AFF1: variants seen among roughly 807,000 people sequenced by gnomAD.
AFF1 encodes ALF transcription elongation factor 1, also known as AF4/FMR2 family member 1.
AFF1 carries 48 observed loss-of-function variants against 121.7 expected under a neutral mutation model. The observed-to-expected ratio is 0.39, with a 90% CI of 0.31 to 0.50. The LOEUF (loss-of-function observed/expected upper bound fraction) is 0.50, where lower values mean the gene tolerates loss of function less well. AFF1 is among the 20% of genes least tolerant of loss of function. The pLI, the probability that AFF1 is intolerant of heterozygous loss-of-function variation, is 0.76. For missense variants in AFF1, 1,523 were observed against 1,511.7 expected, an observed-to-expected ratio of 1.01 and a Z score of -0.12; for synonymous variants, 613 against 563.0, an observed-to-expected ratio of 1.09 and a Z score of -1.26.
Position 87,114,960 on chromosome 4 carries a change from T to C in AFF1, c.2127T>C (p.Ala709=). 1 of 1,613,052 alleles carries C rather than the reference T, an allele frequency of 6.2e-7. No individual in the cohort carries two copies. Among genetic ancestry groups the C allele is most frequent in the Non-Finnish European group, 8.5e-7 (1 of 1,179,514 alleles). Residue 709 remains alanine (A), a synonymous_variant, in exon 12 of 21, where the codon GCT becomes GCC. Transcript: ENST00000395146. ...AGGACAGGACCCCTGAGCACTTTGCTCTTGTTCCCCTGACTGAGAGCCAGG... is the reference window on the plus strand; with the variant it reads ...AGGACAGGACCCCTGAGCACTTTGCCCTTGTTCCCCTGACTGAGAGCCAGG... ...NVEDRTPEHF[A]LVPLTESQGP...
chr4:87,002,425 G>GTTTT (rs3035506), intron 2 of AFF1, among the ~76,000 whole-genome samples: 37 of 68,170 alleles, frequency 5.4e-4, no homozygotes, highest in East Asian at 1.8e-3. Flanking sequence ...GGGCAATGAA[G>GTTTT]TTTTTTTTTT....
At position 87,135,706 on chromosome 4, in the gene AFF1, G is replaced by C; in HGVS notation, c.*5G>C. On this transcript the variant is annotated 3_prime_UTR_variant, in exon 21 of 21. Transcript: ENST00000395146. ...GAATTAACCAAAACACCTTAATGGA[G>C]CCCCAGGTTGATTCAATGCCTTGGG... The C allele has an allele frequency of 2.5e-6, 4 of 1,608,532 alleles. No individual in the cohort carries two copies. The highest frequency in any genetic ancestry group is 3.4e-6 in the Non-Finnish European group (4 of 1,177,470).
At chr4:87,079,682 C>T (rs560272548) in intron 4 of AFF1, among the ~76,000 whole-genome samples, 6 of 152,292 alleles carry the variant, frequency 3.9e-5, no homozygotes, top group African/African-American at 1.4e-4. Flanking sequence ...CTTGCATAGA[C>T]AACTTAATTT....
At chr4:87,027,723 G>A (rs190460286) in intron 2 of AFF1, among the ~76,000 whole-genome samples, 1 of 149,510 alleles carries the variant, frequency 6.7e-6, no homozygotes, top group Admixed American at 6.7e-5. Context: ...ATATTAAATA[G>A]TCCTAATTCA....
intron 2 of AFF1, among the ~76,000 whole-genome samples, chr4:87,010,129 A>C (rs1026273716): frequency 2.6e-5 from 4 of 152,184 alleles, no homozygotes; most frequent in African/African-American, 4.8e-5. Context: ...TTGAATTGAG[A>C]GATTACCTAA....
Position 86,948,491 on chromosome 4 carries a change from C to G in AFF1, c.-36-7C>G, listed in dbSNP as rs1161726698. The G allele has an allele frequency of 5.9e-6, 9 of 1,529,252 alleles. No homozygotes were observed. The highest frequency in any genetic ancestry group is 2.0e-5 in the Admixed American group (1 of 50,808). The allele number at this position is 1,529,252 out of a possible 1,614,324, so 94.7% of individuals were successfully genotyped here. ...TGTTCACAGGCTACTCTTTGTTTCT[C>G]TTTCAGATGAACAGACTAGCCACTT... On this transcript the variant is annotated splice_polypyrimidine_tract_variant and splice_region_variant and intron_variant, in intron 1 of 20. Coordinates refer to ENST00000395146, the MANE Select transcript of AFF1 (RefSeq NM_001166693.3).
Position 87,136,748 on chromosome 4 carries a change from A to G in AFF1, c.*1047A>G, listed in dbSNP as rs1729333106. 4.4e-6 allele frequency: 1 copy of G among 227,790 alleles called. No homozygotes were observed. The highest frequency in any genetic ancestry group is 1.3e-3 in the Middle Eastern group (1 of 756). 14.1% of individuals were successfully genotyped at this position (227,790 alleles called of 1,614,324 possible). ...TCAGAGTTTCGTCAGTGAACAAGAA[A>G]CATGAAATCTGCTTCTTAGAGAGGC... On this transcript the variant is annotated 3_prime_UTR_variant, in exon 21 of 21. Coordinates refer to ENST00000395146, the MANE Select transcript of AFF1 (RefSeq NM_001166693.3).
intron 11 of AFF1, among the ~76,000 whole-genome samples, chr4:87,110,199 T>C (rs1726324702): frequency 6.6e-6 from 1 of 152,084 alleles, no homozygotes; most frequent in African/African-American, 2.4e-5. Context: ...TTCTCTTTTC[T>C]TTGTCTTAAT....
At chr4:86,974,044 G>A (rs1487751389) in intron 2 of AFF1, 1 of 152,280 alleles carries the variant, frequency 6.6e-6, no homozygotes, top group South Asian at 2.1e-4. Flanking sequence ...AAAGTGTCAC[G>A]GATGAAATCT....
At chr4:87,067,800 A>T (rs1685709526) in intron 4 of AFF1, among the ~76,000 whole-genome samples, 1 of 152,200 alleles carries the variant, frequency 6.6e-6, no homozygotes, top group Admixed American at 6.5e-5. Flanking sequence ...TTATAGCCTG[A>T]TTTGTTTAAA....
At chr4:87,099,608 C>T (rs762886193) in intron 8 of AFF1, among the ~76,000 whole-genome samples, 16 of 152,120 alleles carry the variant, frequency 1.1e-4, no homozygotes, top group African/African-American at 3.9e-4. Flanking sequence ...GGGGTTTCGC[C>T]GTTTGGCCCA....
chr4:87,140,764 G>A lies in AFF1; in HGVS notation c.*5063G>A, dbSNP rs1343826048. 1 of 190,124 alleles carries A rather than the reference G, an allele frequency of 5.3e-6. No homozygotes were observed. Among genetic ancestry groups the A allele is most frequent in the Non-Finnish European group, 1.1e-5 (1 of 90,294 alleles). 11.8% of individuals were successfully genotyped at this position (190,124 alleles called of 1,614,324 possible). A position where few individuals can be genotyped will look rare whatever the true frequency, so the allele number is the denominator to read the frequency against. ...ATGTATTTTACCTACTTCAGCAATG[G>A]AACTGCAACTTGGGGCTTTGTGAAT... On this transcript the variant is annotated 3_prime_UTR_variant, in exon 21 of 21. Transcript: ENST00000395146.
intron 4 of AFF1, among the ~76,000 whole-genome samples, chr4:87,055,722 A>T (rs1720057410): frequency 6.6e-6 from 1 of 152,152 alleles, no homozygotes. Flanking sequence ...TTGATGACTG[A>T]GTTAGTGGTT....
At chr4:86,998,120 A>AAAAAAAAAAAAAAAAAAAG (rs1725377377) in intron 2 of AFF1, among the ~76,000 whole-genome samples, 1 of 131,782 alleles carries the variant, frequency 7.6e-6, no homozygotes, top group Non-Finnish European at 1.7e-5. Flanking sequence ...AAAAAAAAAA[A>AAAAAAAAAAAAAAAAAAAG]AAAAAAACAA....
Position 87,001,730 on chromosome 4 carries a change from T to C in AFF1, c.39-44436T>C, listed in dbSNP as rs952329567. On this transcript the variant is annotated intron_variant, in intron 2 of 20. Coordinates refer to ENST00000395146, the MANE Select transcript of AFF1 (RefSeq NM_001166693.3). ...GGCTGCTTTGTGTTGAAGTCACAGC[T>C]GAAGGGAGAGCCGGTTAATTTCCAG... Among the ~76,000 whole-genome samples, 12 of 152,362 alleles carry C rather than the reference T, an allele frequency of 7.9e-5. No homozygotes were observed. The East Asian group carries it at 2.3e-3, about 29-fold the overall frequency.
At position 87,098,324 on chromosome 4, in the gene AFF1, C is replaced by G. The variant is rs535854362; in HGVS notation, c.1283+3355C>G. On this transcript the variant is annotated intron_variant, in intron 8 of 20. Transcript: ENST00000395146. ...TAAAGTTCTGTAGGTAACTGATTAG[C>G]TAGGATGTTAGTGCAATTTGCCCCT... Among the ~76,000 whole-genome samples the G allele has an allele frequency of 3.9e-5, 6 of 152,262 alleles. No homozygotes were observed. The South Asian group carries it at 1.2e-3, about 32-fold the overall frequency.
In AFF1 at chr4:87,114,864, G is replaced by A; in HGVS notation, c.2031G>A (p.Lys677=). 2 of 1,613,968 alleles carry A rather than the reference G, an allele frequency of 1.2e-6. No homozygotes were observed. Among genetic ancestry groups the A allele is most frequent in the Non-Finnish European group, 1.7e-6 (2 of 1,179,960 alleles). ...KPAVPPSSEK[K]KHKSSLPAPS... Reference sequence around the variant, plus strand: ...CAGTGCCCCCCTCCAGTGAGAAGAAGAAGCACAAGAGCTCCCTCCCTGCCC... The same window carrying A: ...CAGTGCCCCCCTCCAGTGAGAAGAAAAAGCACAAGAGCTCCCTCCCTGCCC... Residue 677 remains lysine, a synonymous_variant, in exon 12 of 21, where the codon AAG becomes AAA. Coordinates refer to ENST00000395146, the MANE Select transcript of AFF1 (RefSeq NM_001166693.3).
chr4:87,134,648 C>G lies in AFF1; in HGVS notation c.3489C>G (p.Ala1163=), dbSNP rs139968604. 2.9e-4 allele frequency: 469 copies of G among 1,614,160 alleles called. 1 individual carries two copies. Among genetic ancestry groups the G allele is most frequent in the Middle Eastern group, 1.3e-3 (8 of 6,062 alleles). Residue 1163 remains alanine (A), a synonymous_variant, in exon 20 of 21, where the codon GCC becomes GCG. Coordinates refer to ENST00000395146, the MANE Select transcript of AFF1 (RefSeq NM_001166693.3). ...YVTITSHVLT[A]FDLWEQAEAL... Reference sequence around the variant, plus strand: ...CCATCACATCCCATGTTCTTACCGCCTTTGACCTTTGGGAACAGGCCGAGG... The same window carrying G: ...CCATCACATCCCATGTTCTTACCGCGTTTGACCTTTGGGAACAGGCCGAGG...
chr4:87,005,412 G>C (rs1485006838), intron 2 of AFF1, among the ~76,000 whole-genome samples: 1 of 152,190 alleles, frequency 6.6e-6, no homozygotes, highest in Non-Finnish European at 1.5e-5. Context: ...AAGATTATGT[G>C]GCAGATGCAA....
Sources: gnomAD v4.1 joint callset for allele counts (sites outside exome capture counted in the v4.1 genomes callset) on GRCh38, gnomAD v4.1.1 for gene constraint, MANE v1.5 for transcripts, NCBI Gene and HGNC (gene_info 2026-07-23, HGNC 2026-07-21) for gene names.